Variants in CANX observed in about 807,000 individuals in gnomAD.
CANX encodes epididymis secretory sperm binding protein.
In CANX, 14 loss-of-function variants were observed where a neutral mutation model predicts 75.7. The ratio of observed to expected loss-of-function variants is 0.19; its 90% confidence interval spans 0.12 to 0.29. The LOEUF (loss-of-function observed/expected upper bound fraction) is 0.29. CANX is among the 10% of genes least tolerant of loss of function. The probability of loss-of-function intolerance (pLI) is 1.00; values close to 1 mark genes in which losing one functional copy is unlikely to be tolerated. For missense variants in CANX, 567 were observed against 713.2 expected (o/e 0.79, Z 2.34); for synonymous variants, 227 against 236.9 (o/e 0.96, Z 0.38).
rs1003192490 is a variant in CANX at position 179,729,241 on chromosome 5, C to G, written c.*597C>G. On this transcript the variant is annotated 3_prime_UTR_variant, in exon 15 of 15. Coordinates refer to ENST00000247461, the MANE Select transcript of CANX (RefSeq NM_001746.4). Reference sequence around the variant, plus strand: ...GAAGCCCAAATTCATATAAAAGTTGCGTTTAAGTTGTATTAAAAATAGATA... The same window carrying G: ...GAAGCCCAAATTCATATAAAAGTTGGGTTTAAGTTGTATTAAAAATAGATA... 6.5e-6 allele frequency: 1 copy of G among 153,780 alleles called. No homozygotes were observed. The highest frequency in any genetic ancestry group is 1.4e-5 in the Non-Finnish European group (1 of 69,246). The allele number at this position is 153,780 out of a possible 1,614,324, so 9.5% of individuals were successfully genotyped here.
intron 1 of CANX, chr5:179,704,285 T>C (rs1776974905): frequency 6.6e-6 from 1 of 152,200 alleles, no homozygotes; most frequent in South Asian, 2.1e-4. Context: ...CCCAGCACTT[T>C]GGAAGGCCGA....
At chr5:179,689,813 C>T (rs955192381) in intron 1 of CANX, among the ~76,000 whole-genome samples, 2 of 152,048 alleles carry the variant, frequency 1.3e-5, no homozygotes, top group African/African-American at 2.4e-5. Context: ...ATGTTAACTC[C>T]TTTCACAAGA....
chr5:179,709,430 G>A (rs55909329), intron 6 of CANX, among the ~76,000 whole-genome samples: 3 of 151,678 alleles, frequency 2.0e-5, no homozygotes, highest in Non-Finnish European at 1.5e-5. Flanking sequence ...AAAAAAAAGA[G>A]AATTTTGTAA....
intron 1 of CANX, among the ~76,000 whole-genome samples, chr5:179,701,288 T>C (rs1776737805): frequency 6.6e-6 from 1 of 152,068 alleles, no homozygotes; most frequent in South Asian, 2.1e-4. Flanking sequence ...AACATGAAAC[T>C]ACTTTAAAAA....
upstream of CANX, among the ~76,000 whole-genome samples, chr5:179,697,156 G>A (rs1776425259): frequency 6.6e-6 from 1 of 152,022 alleles, no homozygotes; most frequent in South Asian, 2.1e-4. Context: ...CCTCAATCAG[G>A]AGTCAAGGAT....
chr5:179,694,691 G>A, upstream of CANX: 1 of 720,470 alleles, frequency 1.4e-6, no homozygotes, highest in South Asian at 1.4e-5. Flanking sequence ...ATGGCTCAAA[G>A]CGTCCTGCTA....
intron 7 of CANX, among the ~76,000 whole-genome samples, chr5:179,712,029 C>T (rs1056084004): frequency 4.1e-5 from 6 of 147,816 alleles, no homozygotes; most frequent in African/African-American, 1.0e-4. Context: ...ACCCGGGAGG[C>T]GGAGGTCACG....
At chr5:179,725,680 CAA>C (rs765657918) in intron 13 of CANX, among the ~76,000 whole-genome samples, 13 of 42,320 alleles carry the variant, frequency 3.1e-4, no homozygotes, top group East Asian at 1.4e-3. Flanking sequence ...GACTCTGTCT[CAA>C]AAAAAAAAAA....
intron 5 of CANX, 28 bp downstream of exon 5, chr5:179,708,408 C>T: frequency 6.2e-7 from 1 of 1,600,594 alleles, no homozygotes; most frequent in Non-Finnish European, 8.5e-7. Context: ...TGGATAAAAG[C>T]TTTCTGCAAA....
chr5:179,684,926 A>ATTTTTTTTTTT lies in CANX; in HGVS notation c.-4+6169_-4+6179dup, dbSNP rs71001039. On this transcript the variant is annotated intron_variant, in intron 1 of 14. Coordinates refer to the CANX transcript ENST00000681674. Reference sequence around the variant, plus strand: ...TGCCACCACACCTGGCTAATTTTGTATTTTTTTTTTTTTTTTTTTTTTTTT... The same window carrying ATTTTTTTTTTT: ...TGCCACCACACCTGGCTAATTTTGTATTTTTTTTTTTTTTTTTTTTTTTTTTTTTTTTTTTT... 3.1e-3 allele frequency among the ~76,000 whole-genome samples: 153 copies of ATTTTTTTTTTT among 49,144 alleles called. 8 individuals are homozygous for ATTTTTTTTTTT. The highest frequency in any genetic ancestry group is 0.011 in the South Asian group (10 of 878). 32.2% of individuals were successfully genotyped at this position (49,144 alleles called of 152,430 possible).
intron 6 of CANX, 86 bp downstream of exon 6, chr5:179,709,145 A>C: frequency 1.3e-6 from 1 of 794,694 alleles, no homozygotes; most frequent in Non-Finnish European, 2.3e-6. Flanking sequence ...GCAGTGGCTC[A>C]CGCCTGTAAT....
In CANX at chr5:179,729,969, C is replaced by A. The variant is rs183274640; in HGVS notation, c.*1325C>A. 8 of 152,526 alleles carry A rather than the reference C, an allele frequency of 5.2e-5. No individual in the cohort carries two copies. The highest frequency in any genetic ancestry group is 1.4e-4 in the African/African-American group (6 of 41,492). The allele number at this position is 152,526 out of a possible 1,614,324, so 9.4% of individuals were successfully genotyped here. A position where few individuals can be genotyped will look rare whatever the true frequency, so the allele number is the denominator to read the frequency against. On this transcript the variant is annotated 3_prime_UTR_variant, in exon 15 of 15. Coordinates refer to ENST00000247461, the MANE Select transcript of CANX (RefSeq NM_001746.4). ...AATTACACAATAAAGCAGTCCTGTT[C>A]AAATTTTTTTTTAACGTGGCTTGTA...
intron 1 of CANX, among the ~76,000 whole-genome samples, chr5:179,691,024 A>AT (rs1178493767): frequency 6.6e-6 from 1 of 151,920 alleles, no homozygotes; most frequent in African/African-American, 2.4e-5. Flanking sequence ...TTGATATATT[A>AT]TTTTTTTACT....
rs189605881 is a variant in CANX at position 179,724,828 on chromosome 5, C to T, written c.1645+45C>T. Reference sequence around the variant, plus strand: ...AAATCTGCTTTAAGCCAAGACCCTACGATGTTGTTAAACCTTTACAGTCAA... The same window carrying T: ...AAATCTGCTTTAAGCCAAGACCCTATGATGTTGTTAAACCTTTACAGTCAA... On this transcript the variant is annotated intron_variant, in intron 13 of 14. Transcript: ENST00000247461. The T allele has an allele frequency of 6.3e-4, 980 of 1,563,010 alleles. 4 individuals carry two copies. The highest frequency in any genetic ancestry group is 5.3e-3 in the Middle Eastern group (31 of 5,900).
intron 7 of CANX, among the ~76,000 whole-genome samples, chr5:179,715,643 C>T (rs984195740): frequency 1.3e-5 from 2 of 152,086 alleles, no homozygotes; most frequent in African/African-American, 2.4e-5. Context: ...AGTGGACATG[C>T]GTTTTAATAA....
At chr5:179,713,194 G>T (rs1014365776) in intron 7 of CANX, among the ~76,000 whole-genome samples, 3 of 151,718 alleles carry the variant, frequency 2.0e-5, no homozygotes, top group Non-Finnish European at 4.4e-5. Flanking sequence ...TGATTCTCCC[G>T]TCTCAGCCTC....
rs1778965600 is a variant in CANX at position 179,731,132 on chromosome 5, G to A, written c.*2488G>A. On this transcript the variant is annotated 3_prime_UTR_variant, in exon 15 of 15. Coordinates refer to ENST00000247461, the MANE Select transcript of CANX (RefSeq NM_001746.4). ...CTAGCCCTTGCCTCTTCCTGCCCATGTGATTGCGGTGCAGTAGTTTCTGTT... is the reference window on the plus strand; with the variant it reads ...CTAGCCCTTGCCTCTTCCTGCCCATATGATTGCGGTGCAGTAGTTTCTGTT... Among the ~76,000 whole-genome samples the A allele has an allele frequency of 6.6e-6, 1 of 152,196 alleles. No individual in the cohort carries two copies. Among genetic ancestry groups the A allele is most frequent in the South Asian group, 2.1e-4 (1 of 4,832 alleles).
chr5:179,698,656 G>A (rs1475986304), upstream of CANX: 3 of 1,188,294 alleles, frequency 2.5e-6, no homozygotes, highest in East Asian at 5.7e-5. Context: ...CACAGCAACC[G>A]ACGCGGGAAC....
At chr5:179,678,837 C>T in intron 1 of CANX, 2 of 1,536,950 alleles carry the variant, frequency 1.3e-6, no homozygotes, top group Non-Finnish European at 1.7e-6. Flanking sequence ...GCCTTCCAGC[C>T]CCAGGCGGTC....
Sources: allele counts gnomAD v4.1 joint callset (sites outside exome capture counted in the v4.1 genomes callset), GRCh38; gene constraint gnomAD v4.1.1; transcripts MANE v1.5; gene names NCBI Gene and HGNC (gene_info 2026-07-23, HGNC 2026-07-21).